The following LARGE1 variants were observed in gnomAD, a reference collection of about 807,000 sequenced individuals.
LARGE1 encodes the protein xylosyl- and glucuronyltransferase LARGE1.
Under a neutral mutation model 87.6 loss-of-function variants are expected in LARGE1, and 43 were observed. That is an observed-to-expected ratio of 0.49 (90% CI 0.38 to 0.63). LARGE1 has a LOEUF of 0.63. Ranked by LOEUF, LARGE1 falls within the 30% of genes least tolerant of loss-of-function variation. The pLI, the probability that LARGE1 is intolerant of heterozygous loss-of-function variation, is 0.00. For synonymous variants in LARGE1, 434 were observed against 394.6 expected, an observed-to-expected ratio of 1.10 and a Z score of -1.18; for missense variants, 802 against 1,000.2, an observed-to-expected ratio of 0.80 and a Z score of 2.67.
intron 6 of LARGE1, among the ~76,000 whole-genome samples, chr22:33,560,657 G>A (rs1428530702): frequency 1.3e-5 from 2 of 152,032 alleles, no homozygotes; most frequent in African/African-American, 4.8e-5. Context: ...AAGGTGACAC[G>A]TACTCAGCAG....
At chr22:33,169,287 C>T (rs1922434342) in intron 11 of LARGE1, among the ~76,000 whole-genome samples, 2 of 152,232 alleles carry the variant, frequency 1.3e-5, no homozygotes, top group African/African-American at 4.8e-5. Context: ...ATTTCATCAT[C>T]TTCCCATGTG....
rs150907937 is a variant in LARGE1 at position 33,384,358 on chromosome 22, GCTAGGCACAC to G, written c.893-64_893-55del. On this transcript the variant is annotated intron_variant, in intron 7 of 14. Coordinates refer to ENST00000397394, the MANE Select transcript of LARGE1 (RefSeq NM_133642.5). ...AATTAAAAAATAAAAAAGATGGAGA[GCTAGGCACAC>G]CTACTCACATCACAGCCACAGTCTC... The G allele has an allele frequency of 0.12, 154,341 of 1,311,918 alleles. 10,949 individuals carry two copies. Among genetic ancestry groups the G allele is most frequent in the South Asian group, 0.25 (21,059 of 83,950 alleles). The allele number at this position is 1,311,918 out of a possible 1,614,324, so 81.3% of individuals were successfully genotyped here. A position where few individuals can be genotyped will look rare whatever the true frequency, so the allele number is the denominator to read the frequency against.
chr22:33,098,331 A>G, the LARGE1 span, among the ~76,000 whole-genome samples: 2 of 152,170 alleles, frequency 1.3e-5, no homozygotes, highest in South Asian at 4.2e-4. Flanking sequence ...CTTAAAAAAT[A>G]AAAATAGGCC....
chr22:33,604,596 G>A (rs2079202842), intron 4 of LARGE1, 38 bp from the exon 5 acceptor site: 2 of 1,613,632 alleles, frequency 1.2e-6, no homozygotes. Flanking sequence ...AGGTGGAGAG[G>A]TACGGCTCTT....
chr22:33,101,465 T>C, the LARGE1 span, among the ~76,000 whole-genome samples: 3 of 152,182 alleles, frequency 2.0e-5, no homozygotes, highest in Admixed American at 2.0e-4. Context: ...ATAGGTTCGA[T>C]TGCAAGCCTC....
At chr22:33,480,279 AT>A (rs1185888762) in intron 6 of LARGE1, among the ~76,000 whole-genome samples, 1 of 152,236 alleles carries the variant, frequency 6.6e-6, no homozygotes, top group Non-Finnish European at 1.5e-5. Flanking sequence ...GACAGTATCA[AT>A]TAATCCCTTC....
At chr22:33,702,578 T>C (rs2149374645) in intron 2 of LARGE1, among the ~76,000 whole-genome samples, 1 of 152,226 alleles carries the variant, frequency 6.6e-6, no homozygotes, top group African/African-American at 2.4e-5. Context: ...TGAAGCCCAA[T>C]GGACTGCAGT....
the LARGE1 span, among the ~76,000 whole-genome samples, chr22:33,130,187 G>A: frequency 1.3e-5 from 2 of 151,210 alleles, no homozygotes; most frequent in African/African-American, 4.9e-5. Flanking sequence ...GGTGGTGGGC[G>A]CCTGTAGTCC....
intron 11 of LARGE1, among the ~76,000 whole-genome samples, chr22:33,189,024 A>G (rs1032116844): frequency 2.0e-5 from 3 of 151,968 alleles, no homozygotes; most frequent in Non-Finnish European, 4.4e-5. Flanking sequence ...TTGGGTGCCC[A>G]GTAAAGTTAT....
chr22:33,509,821 C>G (rs78169145), intron 6 of LARGE1, among the ~76,000 whole-genome samples: 3 of 152,178 alleles, frequency 2.0e-5, no homozygotes, highest in Non-Finnish European at 4.4e-5. Context: ...AATTTAAAAT[C>G]TCTCTCGTCT....
rs147307844 is a variant in LARGE1, at chr22:33,319,480, C to G, written c.1288-3232G>C. On this transcript the variant is annotated intron_variant, in intron 10 of 14. Transcript: ENST00000397394. Reference sequence around the variant, plus strand: ...ACGCGATCTCAGCTCACTGCAACCTCTGCCTCCCGGGTTCAAGTGATTCTC... The same window carrying G: ...ACGCGATCTCAGCTCACTGCAACCTGTGCCTCCCGGGTTCAAGTGATTCTC... Among the ~76,000 whole-genome samples the G allele has an allele frequency of 5.4e-3, 829 of 152,290 alleles. 9 individuals carry two copies. The highest frequency in any genetic ancestry group is 0.052 in the East Asian group (270 of 5,180).
chr22:33,198,058 C>T (rs1406158214), intron 11 of LARGE1, among the ~76,000 whole-genome samples: 1 of 152,070 alleles, frequency 6.6e-6, no homozygotes, highest in African/African-American at 2.4e-5. Flanking sequence ...TCAGCTCAAA[C>T]CACATGTGCA....
intron 1 of LARGE1, among the ~76,000 whole-genome samples, chr22:33,897,290 TA>T (rs1173241054): frequency 2.0e-5 from 3 of 152,268 alleles, no homozygotes; most frequent in Non-Finnish European, 4.4e-5. Context: ...AAACCCCACA[TA>T]CCTACTCCTC....
the LARGE1 span, among the ~76,000 whole-genome samples, chr22:33,117,762 A>G: frequency 1.3e-5 from 2 of 152,190 alleles, no homozygotes; most frequent in Admixed American, 1.3e-4. Flanking sequence ...TTATTTATGA[A>G]TGACTGAGGG....
chr22:33,854,161 G>A (rs2063689705), intron 1 of LARGE1, among the ~76,000 whole-genome samples: 1 of 144,448 alleles, frequency 6.9e-6, no homozygotes. Flanking sequence ...CAAGGACTTG[G>A]CATATCACAA....
At chr22:33,239,525 TTTTTC>T (rs1234956293) in intron 11 of LARGE1, among the ~76,000 whole-genome samples, 6 of 145,158 alleles carry the variant, frequency 4.1e-5, no homozygotes, top group Admixed American at 6.9e-5. Context: ...ACTATTTCTT[TTTTTC>T]TTTTCTTTTT....
At chr22:33,184,942 A>G (rs1923396773) in intron 11 of LARGE1, among the ~76,000 whole-genome samples, 1 of 152,120 alleles carries the variant, frequency 6.6e-6, no homozygotes, top group Non-Finnish European at 1.5e-5. Flanking sequence ...AACGGGAACT[A>G]TTACTCATTG....
intron 11 of LARGE1, among the ~76,000 whole-genome samples, chr22:33,170,881 T>C (rs754790553): frequency 6.6e-6 from 1 of 151,992 alleles, no homozygotes; most frequent in African/African-American, 2.4e-5. Context: ...CAGACAGCGG[T>C]TGGAACAGTT....
intron 9 of LARGE1, among the ~76,000 whole-genome samples, chr22:33,345,154 C>T (rs573361201): frequency 6.6e-6 from 1 of 152,246 alleles, no homozygotes; most frequent in Non-Finnish European, 1.5e-5. Flanking sequence ...GCTCTGAAAA[C>T]TTTGCTTCTG....
Sources: gnomAD v4.1 joint callset for allele counts (sites outside exome capture counted in the v4.1 genomes callset) on GRCh38, gnomAD v4.1.1 for gene constraint, MANE v1.5 for transcripts, NCBI Gene and HGNC (gene_info 2026-07-23, HGNC 2026-07-21) for gene names.